The following ERICH6B variants were observed in gnomAD, a reference collection of about 807,000 sequenced individuals.
The protein encoded by ERICH6B is glutamate-rich protein 6B.
In ERICH6B, 69 loss-of-function variants were observed where a neutral mutation model predicts 80.0. That is an observed-to-expected ratio of 0.86 (90% CI 0.71 to 1.05). The LOEUF is 1.05. ERICH6B is among the 50% of genes least tolerant of loss of function. The pLI is 0.00. For synonymous variants in ERICH6B, 283 were observed against 291.9 expected (o/e 0.97, Z 0.31); for missense variants, 754 against 796.1 (o/e 0.95, Z 0.64).
chr13:45,570,055 TCTAA>T (rs1170771949), intron 8 of ERICH6B, among the ~76,000 whole-genome samples: 6 of 152,196 alleles, frequency 3.9e-5, no homozygotes, highest in Admixed American at 2.6e-4. Flanking sequence ...CCTGGGTGGG[TCTAA>T]CTGAGGTTCT....
chr13:45,600,966 A>G (rs1949823567), intron 2 of ERICH6B, among the ~76,000 whole-genome samples: 2 of 152,136 alleles, frequency 1.3e-5, no homozygotes. Flanking sequence ...TCCATATATG[A>G]CCATCCTTGT....
chr13:45,578,658 AGGGTT>A (rs950562313), intron 7 of ERICH6B, among the ~76,000 whole-genome samples: 8 of 152,198 alleles, frequency 5.3e-5, no homozygotes. Context: ...AGATGGCTAA[AGGGTT>A]GGGTTGGGCT....
At position 45,558,120 on chromosome 13, in the gene ERICH6B, T is replaced by C. The variant is rs138725528; in HGVS notation, c.1407+3249A>G. ...GTCTATCATTTCTTTCAGCAGTGTT[T>C]TGTGGTTTTCCTTGTAGAGATCTTT... On this transcript the variant is annotated intron_variant, in intron 11 of 14. Transcript: ENST00000298738. Among the ~76,000 whole-genome samples, 689 of 152,298 alleles carry C rather than the reference T, an allele frequency of 4.5e-3. 6 individuals carry two copies. Among genetic ancestry groups the C allele is most frequent in the African/African-American group, 0.016 (667 of 41,558 alleles).
At chr13:45,568,608 A>G (rs1036738754) in intron 8 of ERICH6B, among the ~76,000 whole-genome samples, 157 bp from the exon 9 acceptor site, 4 of 152,242 alleles carry the variant, frequency 2.6e-5, no homozygotes, top group Non-Finnish European at 5.9e-5. Flanking sequence ...GGAGAGCAAC[A>G]GAAAGGATAG....
chr13:45,549,985 G>C lies in ERICH6B; in HGVS notation c.1554C>G (p.Tyr518Ter). ...CTTCTAGACTGTCTTCCAGAATGAT[G>C]TATGTGAACTTTTTCATTTTCGCAT... is the stretch of plus-strand genomic sequence containing the variant. Reference protein sequence around the residue: ...ILYAKMKKFTYIILEDSLEGR... With the variant: ...ILYAKMKKFT Residue 518 changes from tyrosine (Y) to a stop codon, truncating the protein, a stop_gained, in exon 13 of 15, where the codon TAC becomes TAG. Coordinates refer to ENST00000298738, the MANE Select transcript of ERICH6B (RefSeq NM_182542.3). LOFTEE classifies it high-confidence loss of function. 6.4e-7 allele frequency: 1 copy of C among 1,551,844 alleles called. No individual in the cohort carries two copies. Among genetic ancestry groups the C allele is most frequent in the East Asian group, 2.4e-5 (1 of 40,934 alleles).
chr13:45,546,317 A>G (rs1375653015), intron 13 of ERICH6B, among the ~76,000 whole-genome samples: 2 of 152,056 alleles, frequency 1.3e-5, no homozygotes, highest in African/African-American at 2.4e-5. Flanking sequence ...GGGCAGCAAC[A>G]TCTCTAGGGA....
chr13:45,580,536 G>A, intron 6 of ERICH6B, 67 bp downstream of exon 6: 1 of 1,505,848 alleles, frequency 6.6e-7, no homozygotes, highest in South Asian at 1.2e-5. Flanking sequence ...CTAATTCTGT[G>A]CTTCTTACCT....
chr13:45,575,051 C>T (rs1430380603), intron 7 of ERICH6B, 121 bp from the exon 8 acceptor site: 2 of 643,822 alleles, frequency 3.1e-6, no homozygotes, highest in Admixed American at 2.8e-5. Context: ...CCAAAAAATG[C>T]ATACATCATC....
chr13:45,600,807 T>C (rs1340718428), intron 2 of ERICH6B, among the ~76,000 whole-genome samples: 2 of 152,372 alleles, frequency 1.3e-5, no homozygotes, highest in East Asian at 1.9e-4. Context: ...ATGATAAACA[T>C]ACAGTTGCAG....
intron 1 of ERICH6B, among the ~76,000 whole-genome samples, chr13:45,608,272 CT>C (rs557409345): frequency 1.4e-3 from 217 of 152,308 alleles, no homozygotes; most frequent in African/African-American, 5.2e-3. Context: ...GCCTCAGCCT[CT>C]GTTTGCTTGA....
chr13:45,588,151 G>A (rs896569536), intron 4 of ERICH6B, among the ~76,000 whole-genome samples: 4 of 152,186 alleles, frequency 2.6e-5, no homozygotes, highest in Admixed American at 6.5e-5. Context: ...AGCGCATGGG[G>A]TAAGGGCTGG....
In ERICH6B at chr13:45,606,539, A is replaced by T. The variant is rs1268525012; in HGVS notation, c.-59+1025T>A. On this transcript the variant is annotated intron_variant, in intron 2 of 14. Coordinates refer to ENST00000298738, the MANE Select transcript of ERICH6B (RefSeq NM_182542.3). ...TATATATATATATATATATATATAT[A>T]TATATATATTTTTTTTTTTTTTTTT... Among the ~76,000 whole-genome samples, 85 of 11,418 alleles carry T rather than the reference A, an allele frequency of 7.4e-3. 3 individuals carry two copies. The highest frequency in any genetic ancestry group is 8.5e-3 in the Non-Finnish European group (39 of 4,586). 7.5% of individuals were successfully genotyped at this position (11,418 alleles called of 152,430 possible). A position where few individuals can be genotyped will look rare whatever the true frequency, so the allele number is the denominator to read the frequency against.
chr13:45,580,649 C>A lies in ERICH6B; in HGVS notation c.873G>T (p.Ser291=). ...TGGTTTCTTGCTCTGTTTCTGATTTCGATTTTAAAGATTTTACTGTTAAAA... is the reference window on the plus strand; with the variant it reads ...TGGTTTCTTGCTCTGTTTCTGATTTAGATTTTAAAGATTTTACTGTTAAAA... The part of the protein sequence containing the change: ...YDRTAVKSLK[S]KSETEQETTT... The change falls in exon 6 of 15, where the codon TCG becomes TCT. Residue 291 remains serine (S), a synonymous_variant. Transcript: ENST00000298738. The A allele has an allele frequency of 1.3e-6, 2 of 1,551,606 alleles. No individual in the cohort carries two copies. Among genetic ancestry groups the A allele is most frequent in the Non-Finnish European group, 1.7e-6 (2 of 1,146,982 alleles).
rs1270983145 is a variant in ERICH6B at position 45,544,786 on chromosome 13, A to G, written c.1846T>C (p.Cys616Arg). The G allele has an allele frequency of 1.9e-6, 3 of 1,551,702 alleles. No individual in the cohort carries two copies. In the East Asian group the frequency reaches 7.3e-5, roughly 38 times the overall value. ...TTGTACCTGGTGCCCAGGTTTAAAC[A>G]AATCTGCTTCTGTTCATAGGTGAAG... The part of the protein sequence containing the change: ...FCFTYEQKQI[C>R]LNLGTRYKFV... Residue 616 changes from cysteine to arginine, a missense_variant, in exon 14 of 15, where the codon TGT (cysteine) becomes CGT (arginine). Cys to Arg is a radical substitution (Grantham distance 180). Transcript: ENST00000298738.
chr13:45,604,063 A>C (rs1234024917), intron 2 of ERICH6B, among the ~76,000 whole-genome samples: 3 of 152,138 alleles, frequency 2.0e-5, no homozygotes, highest in Non-Finnish European at 4.4e-5. Context: ...AGCTCTCTAC[A>C]CAGGTGGCCC....
intron 2 of ERICH6B, among the ~76,000 whole-genome samples, chr13:45,604,275 T>G (rs1229096729): frequency 6.6e-6 from 1 of 152,242 alleles, no homozygotes; most frequent in South Asian, 2.1e-4. Context: ...ATCCAAATAA[T>G]TTTTCATTGA....
intron 13 of ERICH6B, among the ~76,000 whole-genome samples, chr13:45,547,683 C>A (rs1196626461): frequency 6.6e-6 from 1 of 152,186 alleles, no homozygotes; most frequent in East Asian, 1.9e-4. Flanking sequence ...ATAGGAAGAC[C>A]CTATAAAACC....
chr13:45,600,418 A>G, intron 2 of ERICH6B, among the ~76,000 whole-genome samples: 1 of 140,236 alleles, frequency 7.1e-6, no homozygotes, highest in Non-Finnish European at 1.6e-5. Flanking sequence ...ACATTCATAG[A>G]TTGTGTAGTA....
At chr13:45,561,153 G>C (rs1428417569) in intron 11 of ERICH6B, among the ~76,000 whole-genome samples, 1 of 151,982 alleles carries the variant, frequency 6.6e-6, no homozygotes, top group Non-Finnish European at 1.5e-5. Flanking sequence ...GCCTAATAGA[G>C]ACCCTGCAGG....
Sources: allele counts gnomAD v4.1 joint callset (sites outside exome capture counted in the v4.1 genomes callset), GRCh38; gene constraint gnomAD v4.1.1; transcripts MANE v1.5; gene names NCBI Gene and HGNC (gene_info 2026-07-23, HGNC 2026-07-21).